RNASET2: variants seen among roughly 807,000 people sequenced by gnomAD.
The protein encoded by RNASET2 is ribonuclease T2.
Under a neutral mutation model 33.9 loss-of-function variants are expected in RNASET2, and 28 were observed. The ratio of observed to expected loss-of-function variants is 0.83; its 90% CI spans 0.61 to 1.13. The LOEUF (loss-of-function observed/expected upper bound fraction) is 1.13. RNASET2 is among the 50% of genes most tolerant of loss of function. The pLI, the probability that RNASET2 is intolerant of heterozygous loss-of-function variation, is 0.00. For missense variants in RNASET2, 330 were observed against 319.9 expected, an observed-to-expected ratio of 1.03 and a Z score of -0.24; for synonymous variants, 123 against 121.0, an observed-to-expected ratio of 1.02 and a Z score of -0.11.
chr6:166,925,542 C>G lies in RNASET2; in HGVS notation c.*4046G>C, dbSNP rs1778292584. Among the ~76,000 whole-genome samples, 1 of 152,202 alleles carries G rather than the reference C, an allele frequency of 6.6e-6. No individual in the cohort carries two copies. The highest frequency in any genetic ancestry group is 6.5e-5 in the Admixed American group (1 of 15,284). On this transcript the variant is annotated 3_prime_UTR_variant, in exon 9 of 9. Coordinates refer to ENST00000508775, the MANE Select transcript of RNASET2 (RefSeq NM_003730.6). Reference sequence around the variant, plus strand: ...CCAGCCCTTGCCTCCCCCGTCCAGCCCTCACCTCCATCATGCAGCCACTGT... The same window carrying G: ...CCAGCCCTTGCCTCCCCCGTCCAGCGCTCACCTCCATCATGCAGCCACTGT...
Position 166,922,875 on chromosome 6 carries a change from A to G in RNASET2, c.*6713T>C, listed in dbSNP as rs1778253676. Among the ~76,000 whole-genome samples the G allele has an allele frequency of 6.6e-6, 1 of 152,250 alleles. No individual in the cohort carries two copies. Among genetic ancestry groups the G allele is most frequent in the Non-Finnish European group, 1.5e-5 (1 of 68,040 alleles). Reference sequence around the variant, plus strand: ...GACAGGTACCAACCACCAAAGCTGTACACGCCAGGTTCAATGTCTTTGCTG... The same window carrying G: ...GACAGGTACCAACCACCAAAGCTGTGCACGCCAGGTTCAATGTCTTTGCTG... On this transcript the variant is annotated 3_prime_UTR_variant, in exon 9 of 9. Coordinates refer to ENST00000508775, the MANE Select transcript of RNASET2 (RefSeq NM_003730.6).
intron 2 of RNASET2, among the ~76,000 whole-genome samples, chr6:166,949,783 G>A (rs966122324): frequency 6.6e-6 from 1 of 152,298 alleles, no homozygotes; most frequent in African/African-American, 2.4e-5. Flanking sequence ...ACGGGGCTCT[G>A]AGGGCTCTGC....
intron 1 of RNASET2, among the ~76,000 whole-genome samples, chr6:166,955,197 G>GCACGCACACGCACA: frequency 8.4e-6 from 1 of 119,134 alleles, no homozygotes; most frequent in African/African-American, 3.7e-5. Context: ...ACGCACACAC[G>GCACGCACACGCACA]CACGCACACA....
At position 166,927,713 on chromosome 6, in the gene RNASET2, C is replaced by CAAAAAAAA. The variant is rs58837223; in HGVS notation, c.*1867_*1874dup. ...TGATCCCTGTGTTCGCAAAATGACT[C>CAAAAAAAA]AAAAAAAAAAAAAAAAAAAAAAAGA... On this transcript the variant is annotated 3_prime_UTR_variant, in exon 9 of 9. Coordinates refer to ENST00000508775, the MANE Select transcript of RNASET2 (RefSeq NM_003730.6). Among the ~76,000 whole-genome samples, 443 of 47,302 alleles carry CAAAAAAAA rather than the reference C, an allele frequency of 9.4e-3. 30 individuals are homozygous for CAAAAAAAA. Among genetic ancestry groups the CAAAAAAAA allele is most frequent in the African/African-American group, 0.032 (377 of 11,652 alleles). 31.0% of individuals were successfully genotyped at this position (47,302 alleles called of 152,430 possible). A position where few individuals can be genotyped will look rare whatever the true frequency, so the allele number is the denominator to read the frequency against.
At position 166,934,411 on chromosome 6, in the gene RNASET2, C is replaced by T. The variant is rs533016872; in HGVS notation, c.447-275G>A. 3.5e-4 allele frequency: 155 copies of T among 444,584 alleles called. 1 individual carries two copies. Among genetic ancestry groups the T allele is most frequent in the Middle Eastern group, 1.9e-3 (3 of 1,548 alleles). 27.5% of individuals were successfully genotyped at this position (444,584 alleles called of 1,614,324 possible). Reference sequence around the variant, plus strand: ...AGCATGGGAGCGCTGGGGCCACCACCGAGTGGAGCTGGCACACACATCACC... The same window carrying T: ...AGCATGGGAGCGCTGGGGCCACCACTGAGTGGAGCTGGCACACACATCACC... On this transcript the variant is annotated intron_variant, in intron 6 of 8. Coordinates refer to ENST00000508775, the MANE Select transcript of RNASET2 (RefSeq NM_003730.6).
intron 2 of RNASET2, among the ~76,000 whole-genome samples, chr6:166,950,227 A>G (rs1778950976): frequency 6.6e-6 from 1 of 152,140 alleles, no homozygotes; most frequent in Non-Finnish European, 1.5e-5. Flanking sequence ...CTTCTTCCGT[A>G]GGAACCAAGG....
chr6:166,944,484 C>T (rs1487806294), intron 4 of RNASET2, among the ~76,000 whole-genome samples: 1 of 150,984 alleles, frequency 6.6e-6, no homozygotes, highest in Admixed American at 6.6e-5. Context: ...CCCCCCACCC[C>T]ACCTCTCCTG....
rs1778330242 is a variant in RNASET2, at chr6:166,927,760, C to G, written c.*1828G>C. Among the ~76,000 whole-genome samples the G allele has an allele frequency of 6.9e-6, 1 of 145,524 alleles. No individual in the cohort carries two copies. The highest frequency in any genetic ancestry group is 1.5e-5 in the Non-Finnish European group (1 of 67,118). ...AAGAATTGACATCATTTAAAGGACT[C>G]TGAGGCTTAAGAGTCCAACTCTAAA... On this transcript the variant is annotated 3_prime_UTR_variant, in exon 9 of 9. Coordinates refer to ENST00000508775, the MANE Select transcript of RNASET2 (RefSeq NM_003730.6).
intron 3 of RNASET2, among the ~76,000 whole-genome samples, chr6:166,947,912 G>A (rs574112881): frequency 9.8e-5 from 15 of 152,292 alleles, no homozygotes; most frequent in African/African-American, 3.6e-4. Flanking sequence ...ATAAATTTGA[G>A]TGTCTCTGAA....
rs1316131753 is a variant in RNASET2, at chr6:166,929,325, G to A, written c.*263C>T. On this transcript the variant is annotated 3_prime_UTR_variant, in exon 9 of 9. Transcript: ENST00000508775. ...AAGTATGCCTGCCTGATCTACCAGG[G>A]CACTGAAGAGTTTAATAGAGAAAAA... 2.7e-5 allele frequency among the ~76,000 whole-genome samples: 4 copies of A among 150,422 alleles called. No individual in the cohort carries two copies. The highest frequency in any genetic ancestry group is 6.6e-5 in the Admixed American group (1 of 15,198).
intron 2 of RNASET2, 75 bp downstream of exon 2, chr6:166,952,413 G>T: frequency 1.5e-6 from 2 of 1,305,328 alleles, no homozygotes; most frequent in Non-Finnish European, 2.2e-6. Flanking sequence ...GGGTGCCCTG[G>T]ACGGGCACGT....
At chr6:166,953,099 C>A (rs1176566664) in intron 1 of RNASET2, 1 of 203,584 alleles carries the variant, frequency 4.9e-6, no homozygotes, top group African/African-American at 2.3e-5. Context: ...TAGGGTGCTA[C>A]TTCAGATGCC....
chr6:166,955,425 A>T, intron 1 of RNASET2: 1 of 719,808 alleles, frequency 1.4e-6, no homozygotes, highest in Non-Finnish European at 1.7e-6. Context: ...ACACACACAC[A>T]CGCGGAGGGC....
rs1475333825 is a variant in RNASET2 at position 166,929,437 on chromosome 6, A to G, written c.*151T>C. 1.1e-5 allele frequency: 9 copies of G among 815,722 alleles called. No individual in the cohort carries two copies. The highest frequency in any genetic ancestry group is 5.6e-5 in the Admixed American group (3 of 53,990). 50.5% of individuals were successfully genotyped at this position (815,722 alleles called of 1,614,324 possible). A position where few individuals can be genotyped will look rare whatever the true frequency, so the allele number is the denominator to read the frequency against. ...CTTTCTCCCCGTGTACGCCACATGC[A>G]CTCACTCTACAGGGACCACAACATC... On this transcript the variant is annotated 3_prime_UTR_variant, in exon 9 of 9. Transcript: ENST00000508775.
chr6:166,953,114 G>A (rs1321236096), intron 1 of RNASET2: 1 of 195,038 alleles, frequency 5.1e-6, no homozygotes, highest in Non-Finnish European at 1.1e-5. Context: ...GATGCCACCA[G>A]GACTGTTAAC....
In RNASET2 at chr6:166,925,214, C is replaced by G. The variant is rs1778286747; in HGVS notation, c.*4374G>C. The stretch of plus-strand genomic sequence containing the variant: ...CCGCCCAGCCCTCACCTCTGCTGTC[C>G]AGGCATCACCCTTGCTGTCCAGCCG... On this transcript the variant is annotated 3_prime_UTR_variant, in exon 9 of 9. Coordinates refer to ENST00000508775, the MANE Select transcript of RNASET2 (RefSeq NM_003730.6). Among the ~76,000 whole-genome samples, 1 of 151,700 alleles carries G rather than the reference C, an allele frequency of 6.6e-6. No homozygotes were observed. The highest frequency in any genetic ancestry group is 1.9e-4 in the East Asian group (1 of 5,178).
Position 166,927,214 on chromosome 6 carries a change from C to T in RNASET2, c.*2374G>A, listed in dbSNP as rs1403890948. ...TGAACCTTAAACGCAGAGTCTTCCCCTTCTGTCTCCTGCGGCTCATAAGTG... is the reference window on the plus strand; with the variant it reads ...TGAACCTTAAACGCAGAGTCTTCCCTTTCTGTCTCCTGCGGCTCATAAGTG... On this transcript the variant is annotated 3_prime_UTR_variant, in exon 9 of 9. Coordinates refer to ENST00000508775, the MANE Select transcript of RNASET2 (RefSeq NM_003730.6). Among the ~76,000 whole-genome samples, 3 of 152,172 alleles carry T rather than the reference C, an allele frequency of 2.0e-5. No homozygotes were observed. Among genetic ancestry groups the T allele is most frequent in the Admixed American group, 2.0e-4 (3 of 15,284 alleles).
At chr6:166,948,227 T>G (rs1215223248) in intron 3 of RNASET2, among the ~76,000 whole-genome samples, 1 of 152,052 alleles carries the variant, frequency 6.6e-6, no homozygotes, top group East Asian at 1.9e-4. Flanking sequence ...GTGCCTGCAA[T>G]TCCAGCTACT....
At chr6:166,952,179 C>G (rs1303125533) in intron 2 of RNASET2, among the ~76,000 whole-genome samples, 1 of 152,218 alleles carries the variant, frequency 6.6e-6, no homozygotes, top group Non-Finnish European at 1.5e-5. Context: ...ACAGAACAAA[C>G]TCTCTCAGAG....
Sources: allele counts gnomAD v4.1 joint callset (sites outside exome capture counted in the v4.1 genomes callset), GRCh38; gene constraint gnomAD v4.1.1; transcripts MANE v1.5; gene names NCBI Gene and HGNC (gene_info 2026-07-23, HGNC 2026-07-21).